The following ICA1 variants were observed in gnomAD, a reference collection of about 807,000 sequenced individuals.
ICA1 encodes islet cell autoantigen 1, also known as 69 kDa islet cell autoantigen.
Under a neutral mutation model 71.0 loss-of-function variants are expected in ICA1, and 40 were observed. That is an observed-to-expected ratio of 0.56 (90% CI 0.44 to 0.73). ICA1 has a LOEUF of 0.73. ICA1 is among the 30% of genes least tolerant of loss of function. The pLI is 0.00. For synonymous variants in ICA1, 207 were observed against 209.5 expected (o/e 0.99, Z 0.10); for missense variants, 578 against 576.5 (o/e 1.00, Z -0.03).
intron 12 of ICA1, among the ~76,000 whole-genome samples, chr7:8,129,912 T>G (rs924362886): frequency 4.9e-5 from 7 of 144,238 alleles, no homozygotes; most frequent in African/African-American, 1.8e-4. Context: ...GTCCATGTGT[T>G]CTCATTGTTC....
intron 6 of ICA1, among the ~76,000 whole-genome samples, chr7:8,211,404 A>C (rs987258059): frequency 6.6e-6 from 1 of 152,168 alleles, no homozygotes; most frequent in African/African-American, 2.4e-5. Flanking sequence ...AGCGTGGTTA[A>C]TGCGTTTGGT....
chr7:8,124,431 A>G (rs1054362679), intron 13 of ICA1, among the ~76,000 whole-genome samples: 47 of 145,722 alleles, frequency 3.2e-4, no homozygotes, highest in African/African-American at 1.2e-3. Flanking sequence ...GTATAGGTAG[A>G]TTTTCTAGGC....
Position 8,123,865 on chromosome 7 carries a change from G to A in ICA1, c.1330+4008C>T, listed in dbSNP as rs1203335548. The stretch of plus-strand genomic sequence containing the variant: ...AAGGCATGGATTCTGGAGTCCGGCT[G>A]CCTGGGCTCAAAATCCGGCCTGCCC... On this transcript the variant is annotated intron_variant, in intron 13 of 13. Transcript: ENST00000402384. The surrounding 1 kb of genome is among the most constrained non-coding windows in gnomAD (Gnocchi z 4.1). 6.6e-6 allele frequency among the ~76,000 whole-genome samples: 1 copy of A among 152,220 alleles called. No homozygotes were observed. The highest frequency in any genetic ancestry group is 1.5e-5 in the Non-Finnish European group (1 of 68,040).
chr7:8,245,721 C>G (rs1805745846), intron 1 of ICA1, among the ~76,000 whole-genome samples: 2 of 152,076 alleles, frequency 1.3e-5, no homozygotes, highest in Admixed American at 6.5e-5. Context: ...ACATTTTACA[C>G]TAATATTTTT....
At position 8,223,924 on chromosome 7, in the gene ICA1, C is replaced by A. The variant is rs1202744699; in HGVS notation, c.257-2526G>T. ...CGTTAAAAACAAGGCAACTATGGAA[C>A]TATGAAATTAATTAGCTGGACAGCA... is the stretch of plus-strand genomic sequence containing the variant. On this transcript the variant is annotated intron_variant, in intron 4 of 13. Coordinates refer to ENST00000402384, the MANE Select transcript of ICA1 (RefSeq NM_001136020.3). This position sits in a 1 kb window ranked among gnomAD's most constrained non-coding sequence, Gnocchi z 4.1. Among the ~76,000 whole-genome samples the A allele has an allele frequency of 1.3e-5, 2 of 152,140 alleles. No homozygotes were observed. Among genetic ancestry groups the A allele is most frequent in the African/African-American group, 4.8e-5 (2 of 41,430 alleles).
intron 6 of ICA1, among the ~76,000 whole-genome samples, chr7:8,181,943 T>C (rs1444130486): frequency 6.6e-6 from 1 of 152,192 alleles, no homozygotes; most frequent in Non-Finnish European, 1.5e-5. Context: ...ACTGGAGCAA[T>C]GTTCTTTGAA....
chr7:8,252,726 C>T (rs1413290049), intron 1 of ICA1, among the ~76,000 whole-genome samples: 2 of 150,802 alleles, frequency 1.3e-5, no homozygotes, highest in South Asian at 2.1e-4. Context: ...TTATATATTA[C>T]ATATTTACAT....
intron 8 of ICA1, among the ~76,000 whole-genome samples, chr7:8,146,792 A>T (rs1013127216): frequency 1.8e-4 from 26 of 144,812 alleles, no homozygotes; most frequent in African/African-American, 6.6e-4. Context: ...AGGAGGAAGG[A>T]GTTCAATAGA....
At chr7:8,165,645 T>C (rs996895670) in intron 6 of ICA1, among the ~76,000 whole-genome samples, 4 of 152,206 alleles carry the variant, frequency 2.6e-5, no homozygotes, top group Non-Finnish European at 4.4e-5. Context: ...TTCCCAAAGC[T>C]TCTTGATCTG....
chr7:8,212,793 T>A (rs1794234442), intron 6 of ICA1, among the ~76,000 whole-genome samples: 1 of 152,174 alleles, frequency 6.6e-6, no homozygotes, highest in Non-Finnish European at 1.5e-5. Flanking sequence ...AGCCACCAGC[T>A]CTGCAAGTTA....
At chr7:8,135,957 A>G (rs758234646) in intron 12 of ICA1, among the ~76,000 whole-genome samples, 1 of 152,140 alleles carries the variant, frequency 6.6e-6, no homozygotes, top group Admixed American at 6.5e-5. Context: ...AGATTTCTCC[A>G]TGTTATAATT....
intron 6 of ICA1, among the ~76,000 whole-genome samples, chr7:8,184,093 A>G (rs568656394): frequency 9.0e-4 from 137 of 152,366 alleles, no homozygotes; most frequent in African/African-American, 3.1e-3. Context: ...ATTTGCTAGC[A>G]TCTTCTGCAT....
intron 1 of ICA1, among the ~76,000 whole-genome samples, chr7:8,243,366 ATG>A (rs1804714938): frequency 6.6e-6 from 1 of 152,148 alleles, no homozygotes; most frequent in Non-Finnish European, 1.5e-5. Context: ...AAATTCAACA[ATG>A]CTTCATGCTA....
At chr7:8,216,195 T>C (rs575858380) in intron 6 of ICA1, among the ~76,000 whole-genome samples, 1 of 152,338 alleles carries the variant, frequency 6.6e-6, no homozygotes, top group East Asian at 1.9e-4. Context: ...GTGCCTGGAA[T>C]CTTGTCATCT....
At chr7:8,179,864 G>C (rs975167266) in intron 6 of ICA1, among the ~76,000 whole-genome samples, 1 of 152,064 alleles carries the variant, frequency 6.6e-6, no homozygotes, top group Admixed American at 6.6e-5. Flanking sequence ...AAACAACAGA[G>C]ATACTCCTGA....
At chr7:8,168,992 G>A (rs138393712) in intron 6 of ICA1, among the ~76,000 whole-genome samples, 57 of 152,180 alleles carry the variant, frequency 3.7e-4, no homozygotes, top group Middle Eastern at 3.4e-3. Context: ...ATTCCTAAAA[G>A]TTCCCGTTGT....
chr7:8,214,842 C>G (rs1794905352), intron 6 of ICA1, among the ~76,000 whole-genome samples: 1 of 152,124 alleles, frequency 6.6e-6, no homozygotes, highest in Non-Finnish European at 1.5e-5. Flanking sequence ...ATGAAAAAAG[C>G]CTTGGTTGGA....
chr7:8,134,154 G>A (rs1584369601), intron 12 of ICA1, among the ~76,000 whole-genome samples: 2 of 152,222 alleles, frequency 1.3e-5, no homozygotes, highest in South Asian at 4.1e-4. Flanking sequence ...CAGGCACCGT[G>A]GCAGAAAGGC....
chr7:8,127,459 G>A (rs1378036514), intron 13 of ICA1, among the ~76,000 whole-genome samples: 3 of 152,128 alleles, frequency 2.0e-5, no homozygotes, highest in Non-Finnish European at 4.4e-5. Context: ...ATAAAACTTA[G>A]TGTGCAAAAA....
Sources: allele counts gnomAD v4.1 joint callset (sites outside exome capture counted in the v4.1 genomes callset), GRCh38; gene constraint gnomAD v4.1.1; non-coding constraint Gnocchi (gnomAD v3.1); transcripts MANE v1.5; gene names NCBI Gene and HGNC (gene_info 2026-07-23, HGNC 2026-07-21).